Variants in ZFHX3 observed in about 807,000 individuals in gnomAD.
The protein encoded by ZFHX3 is zinc finger homeobox protein 3.
In ZFHX3, 42 loss-of-function variants were observed where a neutral mutation model predicts 279.1. The ratio of observed to expected loss-of-function variants is 0.15; its 90% CI spans 0.12 to 0.19. The LOEUF (loss-of-function observed/expected upper bound fraction) is 0.19. Ranked by LOEUF, ZFHX3 falls within the 10% of genes least tolerant of loss-of-function variation. The pLI, the probability that ZFHX3 is intolerant of heterozygous loss-of-function variation, is 1.00. For synonymous variants in ZFHX3, 2,293 were observed against 1,957.8 expected (o/e 1.17, Z -4.52); for missense variants, 4,981 against 4,754.0 (o/e 1.05, Z -1.40).
At chr16:73,638,147 T>G (rs1432660214) in intron 2 of ZFHX3, among the ~76,000 whole-genome samples, 11 of 152,194 alleles carry the variant, frequency 7.2e-5, no homozygotes, top group Non-Finnish European at 1.5e-5. Context: ...GATCACATTC[T>G]TAGAGAATTT....
chr16:73,345,050 C>T (rs1432259776), intron 3 of ZFHX3, among the ~76,000 whole-genome samples: 1 of 152,114 alleles, frequency 6.6e-6, no homozygotes. Context: ...ACTTCTCAGC[C>T]TTACTCAGCT....
intron 2 of ZFHX3, among the ~76,000 whole-genome samples, chr16:73,573,565 G>C (rs2051763705): frequency 6.6e-6 from 1 of 152,208 alleles, no homozygotes; most frequent in African/African-American, 2.4e-5. Flanking sequence ...AAATGTTTTG[G>C]TCAAGTGCGT....
intron 2 of ZFHX3, among the ~76,000 whole-genome samples, chr16:73,576,600 C>T (rs2051802141): frequency 6.6e-6 from 1 of 152,124 alleles, no homozygotes; most frequent in Non-Finnish European, 1.5e-5. Flanking sequence ...GGGGACCTGC[C>T]AACACCCTGC....
intron 1 of ZFHX3, among the ~76,000 whole-genome samples, chr16:73,859,181 G>C (rs965176199): frequency 6.6e-6 from 1 of 152,176 alleles, no homozygotes; most frequent in Non-Finnish European, 1.5e-5. Context: ...GATGTCCCCA[G>C]TTGAGTAAAT....
In ZFHX3 at chr16:73,345,229, T is replaced by C. The variant is rs180758595; in HGVS notation, c.-1290-26893A>G. Among the ~76,000 whole-genome samples, 11 of 152,330 alleles carry C rather than the reference T, an allele frequency of 7.2e-5. No individual in the cohort carries two copies. In the East Asian group the frequency reaches 2.1e-3, roughly 29 times the overall value. ...AAAGTCTTATTTTGTTATTTCTTTT[T>C]AAAATTAATTTGAGTTTTTAAGTTC... On this transcript the variant is annotated intron_variant, in intron 3 of 17. Transcript: ENST00000641206.
chr16:73,763,446 G>C (rs2053894319), intron 1 of ZFHX3, among the ~76,000 whole-genome samples: 1 of 152,150 alleles, frequency 6.6e-6, no homozygotes. Flanking sequence ...CTGCCAAGCA[G>C]GAAGGAAATG....
chr16:73,860,473 C>T (rs1322303509), intron 1 of ZFHX3, among the ~76,000 whole-genome samples: 1 of 151,834 alleles, frequency 6.6e-6, no homozygotes, highest in Non-Finnish European at 1.5e-5. Flanking sequence ...TTGTTCAAAC[C>T]AGTTGTAAGA....
At chr16:73,023,088 G>A (rs1228221936) in intron 1 of ZFHX3, among the ~76,000 whole-genome samples, 2 of 152,168 alleles carry the variant, frequency 1.3e-5, no homozygotes, top group African/African-American at 2.4e-5. Flanking sequence ...TTAGCCTGGC[G>A]TGGTGGCCCA....
At chr16:73,132,507 T>C (rs558491901) in intron 6 of ZFHX3, among the ~76,000 whole-genome samples, 1 of 152,164 alleles carries the variant, frequency 6.6e-6, no homozygotes, top group Non-Finnish European at 1.5e-5. Flanking sequence ...TCTCTGTAGT[T>C]CCACTCCTAG....
chr16:72,829,968 T>TCCC, intron 4 of ZFHX3, 109 bp from the exon 5 acceptor site: 10 of 1,126,526 alleles, frequency 8.9e-6, no homozygotes, highest in Non-Finnish European at 1.3e-5. Flanking sequence ...CAATGACTCG[T>TCCC]CCCCCTTCTC....
chr16:72,870,533 C>A (rs1294791956), intron 4 of ZFHX3, among the ~76,000 whole-genome samples: 1 of 151,772 alleles, frequency 6.6e-6, no homozygotes, highest in African/African-American at 2.4e-5. Context: ...CACAGTAAAA[C>A]CCTGCCTCTA....
intron 1 of ZFHX3, among the ~76,000 whole-genome samples, chr16:73,696,532 C>T (rs546395963): frequency 1.3e-5 from 2 of 152,324 alleles, no homozygotes; most frequent in South Asian, 4.1e-4. Flanking sequence ...CTATCTCTAA[C>T]TCACAACCAT....
upstream of ZFHX3, among the ~76,000 whole-genome samples, chr16:73,052,184 T>A (rs971666614): frequency 6.6e-6 from 1 of 151,400 alleles, no homozygotes; most frequent in African/African-American, 2.4e-5. Flanking sequence ...AAATGGGCGA[T>A]GGGATACTGC....
At chr16:73,334,810 C>CTTTTTTTTTTCTTTTTT (rs2015878680) in intron 3 of ZFHX3, among the ~76,000 whole-genome samples, 1 of 57,858 alleles carries the variant, frequency 1.7e-5, no homozygotes, top group Non-Finnish European at 3.4e-5. Flanking sequence ...CTTTCTCATT[C>CTTTTTTTTTTCTTTTTT]TTTTTTTTTT....
intron 3 of ZFHX3, among the ~76,000 whole-genome samples, chr16:72,941,198 C>A (rs922773077): frequency 6.6e-6 from 1 of 152,186 alleles, no homozygotes; most frequent in Admixed American, 6.5e-5. Context: ...TAAGTTTGAA[C>A]AAACAGCTCT....
chr16:73,394,649 G>T (rs532370050), intron 3 of ZFHX3, among the ~76,000 whole-genome samples: 1 of 152,248 alleles, frequency 6.6e-6, no homozygotes, highest in East Asian at 1.9e-4. Context: ...GAAGGACAAA[G>T]ATATGCTTGT....
chr16:72,931,559 C>G (rs573737508), intron 3 of ZFHX3, among the ~76,000 whole-genome samples: 1 of 139,388 alleles, frequency 7.2e-6, no homozygotes, highest in South Asian at 2.3e-4. Flanking sequence ...AGGAGGGATG[C>G]ACCATTTAAA....
At chr16:73,384,098 T>C (rs2016859295) in intron 3 of ZFHX3, among the ~76,000 whole-genome samples, 1 of 152,212 alleles carries the variant, frequency 6.6e-6, no homozygotes, top group Non-Finnish European at 1.5e-5. Context: ...GCAACAACCA[T>C]GTGAATTCAA....
chr16:73,459,635 T>C (rs1039341612), intron 2 of ZFHX3, among the ~76,000 whole-genome samples: 2 of 152,182 alleles, frequency 1.3e-5, no homozygotes, highest in African/African-American at 2.4e-5. Flanking sequence ...TGCAAAGTGC[T>C]GGGATTACAG....
Sources: allele counts gnomAD v4.1 joint callset (sites outside exome capture counted in the v4.1 genomes callset), GRCh38; gene constraint gnomAD v4.1.1; transcripts MANE v1.5; gene names NCBI Gene and HGNC (gene_info 2026-07-23, HGNC 2026-07-21).